The following TMF1 variants were observed in gnomAD, a reference collection of about 807,000 sequenced individuals.
The protein encoded by TMF1 is TATA element modulatory factor.
Under a neutral mutation model 126.5 loss-of-function variants are expected in TMF1, and 71 were observed. The ratio of observed to expected loss-of-function variants is 0.56; its 90% CI spans 0.46 to 0.68. The LOEUF (loss-of-function observed/expected upper bound fraction) is 0.68, where lower values mean the gene tolerates loss of function less well. Ranked by LOEUF, TMF1 falls within the 30% of genes least tolerant of loss-of-function variation. The pLI is 0.00. For synonymous variants in TMF1, 461 were observed against 430.5 expected (o/e 1.07, Z -0.88); for missense variants, 1,259 against 1,253.2 (o/e 1.00, Z -0.07).
intron 8 of TMF1, among the ~76,000 whole-genome samples, chr3:69,036,491 C>T (rs572414169): frequency 2.0e-5 from 3 of 152,172 alleles, no homozygotes; most frequent in South Asian, 2.1e-4. Context: ...GGTGTATAAG[C>T]GAATGTGTAT....
At position 69,042,797 on chromosome 3, in the gene TMF1, C is replaced by T; in HGVS notation, c.1684+10G>A. On this transcript the variant is annotated intron_variant, in intron 5 of 16. Coordinates refer to ENST00000398559, the MANE Select transcript of TMF1 (RefSeq NM_007114.3). ...AGTATTTTTCATAGTCAACCAAATA[C>T]TATACGCACCTTCTTCCATTAACCC... 1.9e-6 allele frequency: 3 copies of T among 1,607,852 alleles called. No homozygotes were observed. The South Asian group carries it at 3.3e-5, about 18-fold the overall frequency.
At chr3:69,027,679 TA>T (rs11318005) in intron 13 of TMF1, among the ~76,000 whole-genome samples, 35,258 of 130,532 alleles carry the variant, frequency 0.27, 4,191 homozygotes, top group East Asian at 0.45. Flanking sequence ...GCTGATGAAC[TA>T]AAAAAAAAAA....
rs759812377 is a variant in TMF1 at position 69,047,682 on chromosome 3, T to G, written c.1023A>C (p.Glu341Asp). The G allele has an allele frequency of 6.2e-6, 10 of 1,614,122 alleles. No homozygotes were observed. Among genetic ancestry groups the G allele is most frequent in the Non-Finnish European group, 8.5e-6 (10 of 1,179,996 alleles). The change falls in exon 2 of 17, where the codon GAA (glutamate) becomes GAC (aspartate). Residue 341 changes from glutamate (E) to aspartate (D), a missense_variant. Transcript: ENST00000398559. ...VQSLDSRSVS[E>D]INSDDELSGK... ...CTGACAATTCATCATCTGAATTGAT[T>G]TCACTTACACTCCGGCTATCTAATG...
intron 9 of TMF1, 180 bp downstream of exon 9, chr3:69,034,843 C>A: frequency 3.3e-6 from 2 of 603,012 alleles, no homozygotes; most frequent in East Asian, 2.8e-5. Context: ...TAAGGAATTT[C>A]CTTGTATAAT....
At chr3:69,036,148 A>G (rs2091830176) in intron 8 of TMF1, among the ~76,000 whole-genome samples, 1 of 152,168 alleles carries the variant, frequency 6.6e-6, no homozygotes, top group Non-Finnish European at 1.5e-5. Flanking sequence ...GTAAAGAGAT[A>G]TTTTTTAAAA....
At chr3:69,036,524 T>C (rs146542987) in intron 8 of TMF1, among the ~76,000 whole-genome samples, 2 of 152,304 alleles carry the variant, frequency 1.3e-5, no homozygotes, top group Non-Finnish European at 2.9e-5. Flanking sequence ...TGTAAGTATA[T>C]AGATACATAT....
chr3:69,025,614 A>G lies in TMF1; in HGVS notation c.2958T>C (p.Ile986=), dbSNP rs755071944. 3.2e-5 allele frequency: 51 copies of G among 1,613,940 alleles called. No individual in the cohort carries two copies. The South Asian group carries it at 5.3e-4, about 17-fold the overall frequency. Residue 986 remains isoleucine (I), a synonymous_variant, in exon 15 of 17, where the codon ATT becomes ATC. Transcript: ENST00000398559. ...AVRMGAGSSI[I]ENLQSQLKLR... ...GCTTTAGCTGAGACTGTAGGTTTTC[A>G]ATTATGCTTGATCCTGCTCCCATCC...
At chr3:69,029,222 C>G (rs2091786207) in intron 11 of TMF1, among the ~76,000 whole-genome samples, 2 of 151,558 alleles carry the variant, frequency 1.3e-5, no homozygotes, top group African/African-American at 4.9e-5. Context: ...TTAGTAGACA[C>G]AGGGTTTCAC....
At chr3:69,032,999 C>T (rs1018362403) in intron 10 of TMF1, among the ~76,000 whole-genome samples, 1 of 151,992 alleles carries the variant, frequency 6.6e-6, no homozygotes, top group Non-Finnish European at 1.5e-5. Flanking sequence ...TGGAATTCTA[C>T]CAGTGATGAG....
chr3:69,020,347 G>A lies in TMF1; in HGVS notation c.*2830C>T, dbSNP rs1056226414. ...TACAACTGGCAATTCTCAAAAAATA[G>A]GTAAAAGAAATGTAAGAAATGGTAG... is the stretch of plus-strand genomic sequence containing the variant. On this transcript the variant is annotated 3_prime_UTR_variant, in exon 17 of 17. Coordinates refer to ENST00000398559, the MANE Select transcript of TMF1 (RefSeq NM_007114.3). The A allele has an allele frequency of 6.6e-6, 1 of 152,076 alleles. No individual in the cohort carries two copies. Among genetic ancestry groups the A allele is most frequent in the African/African-American group, 2.4e-5 (1 of 41,430 alleles). The allele number at this position is 152,076 out of a possible 1,614,324, so 9.4% of individuals were successfully genotyped here. A position where few individuals can be genotyped will look rare whatever the true frequency, so the allele number is the denominator to read the frequency against.
chr3:69,026,146 G>T, intron 13 of TMF1, 49 bp from the exon 14 acceptor site: 1 of 1,244,146 alleles, frequency 8.0e-7, no homozygotes, highest in Non-Finnish European at 1.2e-6. Flanking sequence ...AAAGAGATAA[G>T]CAGAGAAAGC....
chr3:69,026,931 T>C (rs538560423), intron 13 of TMF1, among the ~76,000 whole-genome samples: 1 of 152,322 alleles, frequency 6.6e-6, no homozygotes, highest in Admixed American at 6.5e-5. Flanking sequence ...GTAGTTTAAA[T>C]ATATTATGCT....
chr3:69,033,215 A>G (rs1235355282), intron 10 of TMF1, among the ~76,000 whole-genome samples: 1 of 149,382 alleles, frequency 6.7e-6, no homozygotes, highest in East Asian at 2.0e-4. Flanking sequence ...CGGAGCTTGC[A>G]GTGAGCCGAG....
rs2091780792 is a variant in TMF1, at chr3:69,028,221, A to C, written c.2664+5T>G. On this transcript the variant is annotated splice_donor_5th_base_variant and intron_variant, in intron 12 of 16. Coordinates refer to ENST00000398559, the MANE Select transcript of TMF1 (RefSeq NM_007114.3). ...TAAGAGCTGAGTGGTCACGAAGAGA[A>C]ATACCTTTTCTTTCCTCGTCTCTTC... 2 of 1,611,340 alleles carry C rather than the reference A, an allele frequency of 1.2e-6. No homozygotes were observed. The highest frequency in any genetic ancestry group is 1.7e-6 in the Non-Finnish European group (2 of 1,177,952).
rs761268611 is a variant in TMF1, at chr3:69,025,700, C to T, written c.2872G>A (p.Asp958Asn). The change falls in exon 15 of 17, where the codon GAT (aspartate) becomes AAT (asparagine). Residue 958 changes from aspartate (D) to asparagine (N), a missense_variant. Asp to Asn is a conservative substitution (Grantham distance 23). Transcript: ENST00000398559. ...ATAGGCATTGGTCCAAATGAGTGATCATGAGACTCATCCTATGTTAATTAA... is the reference window on the plus strand; with the variant it reads ...ATAGGCATTGGTCCAAATGAGTGATTATGAGACTCATCCTATGTTAATTAA... ...TSFLSQDESH[D>N]HSFGPMPISA... 7 of 1,613,260 alleles carry T rather than the reference C, an allele frequency of 4.3e-6. No homozygotes were observed. The highest frequency in any genetic ancestry group is 5.9e-6 in the Non-Finnish European group (7 of 1,179,768).
intron 5 of TMF1, among the ~76,000 whole-genome samples, chr3:69,041,753 A>G (rs1309295398): frequency 6.6e-6 from 1 of 152,156 alleles, no homozygotes; most frequent in African/African-American, 2.4e-5. Context: ...CATTAAAACT[A>G]GAAAAAATTA....
At chr3:69,026,261 G>C (rs1177145506) in intron 13 of TMF1, among the ~76,000 whole-genome samples, 164 bp from the exon 14 acceptor site, 1 of 152,144 alleles carries the variant, frequency 6.6e-6, no homozygotes, top group Non-Finnish European at 1.5e-5. Flanking sequence ...ACTTTTTTAA[G>C]ATTCATTCTA....
chr3:69,042,978 C>T (rs1014712584), intron 4 of TMF1, 66 bp from the exon 5 acceptor site: 2 of 1,133,674 alleles, frequency 1.8e-6, no homozygotes, highest in Non-Finnish European at 2.6e-6. Flanking sequence ...GTTCTCATTT[C>T]TCCCCCATCC....
At chr3:69,042,488 A>T (rs536805248) in intron 5 of TMF1, 38 of 499,474 alleles carry the variant, frequency 7.6e-5, no homozygotes, top group African/African-American at 7.3e-4. Flanking sequence ...TCCCAGAGTT[A>T]CACACTTTGA....
Sources: gnomAD v4.1 joint callset for allele counts (sites outside exome capture counted in the v4.1 genomes callset) on GRCh38, gnomAD v4.1.1 for gene constraint, MANE v1.5 for transcripts, NCBI Gene and HGNC (gene_info 2026-07-23, HGNC 2026-07-21) for gene names.